SCAMP1: variants seen among roughly 807,000 people sequenced by gnomAD.
SCAMP1 encodes the protein secretory carrier-associated membrane protein 1.
SCAMP1 carries 15 observed loss-of-function variants against 41.8 expected under a neutral mutation model. That is an observed-to-expected ratio of 0.36 (90% CI 0.24 to 0.55). The LOEUF is 0.55. SCAMP1 is among the 20% of genes least tolerant of loss of function. The pLI, the probability that SCAMP1 is intolerant of heterozygous loss-of-function variation, is 0.86. For synonymous variants in SCAMP1, 135 were observed against 136.8 expected (o/e 0.99, Z 0.09); for missense variants, 341 against 412.6 (o/e 0.83, Z 1.50).
intron 8 of SCAMP1, among the ~76,000 whole-genome samples, chr5:78,471,338 A>G (rs189728214): frequency 6.6e-6 from 1 of 152,308 alleles, no homozygotes; most frequent in Admixed American, 6.5e-5. Context: ...TCAAGGGGTT[A>G]CAAAAGGGAT....
At chr5:78,362,155 T>A (rs980424730) in intron 1 of SCAMP1, among the ~76,000 whole-genome samples, 1 of 152,198 alleles carries the variant, frequency 6.6e-6, no homozygotes, top group Admixed American at 6.5e-5. Flanking sequence ...GAAAATCAGG[T>A]AGTTCTTAAA....
At chr5:78,402,567 T>G (rs1751826023) in intron 2 of SCAMP1, among the ~76,000 whole-genome samples, 1 of 152,208 alleles carries the variant, frequency 6.6e-6, no homozygotes, top group Non-Finnish European at 1.5e-5. Flanking sequence ...CATTATTTAA[T>G]GCCCTTCTTT....
At chr5:78,388,131 A>G (rs1751391230) in intron 1 of SCAMP1, among the ~76,000 whole-genome samples, 1 of 152,294 alleles carries the variant, frequency 6.6e-6, no homozygotes, top group East Asian at 1.9e-4. Flanking sequence ...TTGGAGCAAG[A>G]GGTTCACGAT....
At position 78,391,412 on chromosome 5, in the gene SCAMP1, A is replaced by AC. The variant is rs1332982023; in HGVS notation, c.135+2505dup. Among the ~76,000 whole-genome samples the AC allele has an allele frequency of 8.9e-4, 124 of 139,146 alleles. 1 individual carries two copies. The highest frequency in any genetic ancestry group is 1.8e-3 in the African/African-American group (66 of 35,698). The allele number at this position is 139,146 out of a possible 152,430, so 91.3% of individuals were successfully genotyped here. A position where few individuals can be genotyped will look rare whatever the true frequency, so the allele number is the denominator to read the frequency against. ...GGGCGGCTGGCCTGGCGGGGGGCTG[A>AC]CCCCCCCACCTCCCTCCCGGACAGG... On this transcript the variant is annotated intron_variant, in intron 2 of 8. Transcript: ENST00000621999.
chr5:78,457,195 A>C lies in SCAMP1; in HGVS notation c.735-2050A>C, dbSNP rs997712137. 2.6e-5 allele frequency among the ~76,000 whole-genome samples: 4 copies of C among 152,202 alleles called. No individual in the cohort carries two copies. In the East Asian group the frequency reaches 7.7e-4, roughly 29 times the overall value. ...CTTCTTCTCTCAACTCGTCAAAGTC[A>C]TTCTCCATCCAGCTTTGTTCCGTTG... On this transcript the variant is annotated intron_variant, in intron 7 of 8. Coordinates refer to ENST00000621999, the MANE Select transcript of SCAMP1 (RefSeq NM_004866.6).
intron 7 of SCAMP1, among the ~76,000 whole-genome samples, chr5:78,458,169 T>G (rs1047509915): frequency 6.6e-6 from 1 of 152,158 alleles, no homozygotes; most frequent in Non-Finnish European, 1.5e-5. Flanking sequence ...CTGGGAGCTG[T>G]AGACCGGAGC....
intron 7 of SCAMP1, among the ~76,000 whole-genome samples, chr5:78,458,816 A>T (rs1753504886): frequency 6.6e-6 from 1 of 152,152 alleles, no homozygotes; most frequent in Non-Finnish European, 1.5e-5. Flanking sequence ...GGAGGCGGAG[A>T]TTACAATGAG....
chr5:78,405,348 C>G (rs952601844), intron 2 of SCAMP1, among the ~76,000 whole-genome samples: 1 of 152,166 alleles, frequency 6.6e-6, no homozygotes, highest in Admixed American at 6.5e-5. Flanking sequence ...GTATTCCTGT[C>G]TAGCACGCTG....
chr5:78,454,511 C>T (rs1172799948), intron 7 of SCAMP1, among the ~76,000 whole-genome samples: 3 of 151,740 alleles, frequency 2.0e-5, no homozygotes, highest in Non-Finnish European at 4.4e-5. Flanking sequence ...ATTGAACCAG[C>T]CTTGCATCCC....
At chr5:78,378,943 C>G (rs1040477731) in intron 1 of SCAMP1, among the ~76,000 whole-genome samples, 3 of 152,196 alleles carry the variant, frequency 2.0e-5, no homozygotes, top group Non-Finnish European at 4.4e-5. Context: ...GCTCAGCAAT[C>G]TGGATTTTAC....
chr5:78,457,599 A>G (rs1328857807), intron 7 of SCAMP1, among the ~76,000 whole-genome samples: 3 of 152,206 alleles, frequency 2.0e-5, no homozygotes, highest in South Asian at 2.1e-4. Flanking sequence ...GCTGTCAGAC[A>G]GGGACATTTA....
chr5:78,398,094 T>C (rs934170050), intron 2 of SCAMP1, among the ~76,000 whole-genome samples: 2 of 152,220 alleles, frequency 1.3e-5, no homozygotes, highest in African/African-American at 4.8e-5. Flanking sequence ...AATTCCACTC[T>C]TGGGTACATA....
At chr5:78,448,661 A>G (rs1554045909) in intron 6 of SCAMP1, among the ~76,000 whole-genome samples, 1 of 152,250 alleles carries the variant, frequency 6.6e-6, no homozygotes, top group African/African-American at 2.4e-5. Context: ...TGTTAATGAG[A>G]TGTGGAGGAG....
rs764918144 is a variant in SCAMP1, at chr5:78,415,557, A to G, written c.173A>G (p.Asn58Ser). Reference protein sequence around the residue: ...PGGVKMPNVPNTQPAIMKPTE... With the variant: ...PGGVKMPNVPSTQPAIMKPTE... ...GGTGTGAAGATGCCTAATGTACCCA[A>G]TACACAACCAGCAATAATGAAACCA... Residue 58 changes from asparagine (N) to serine (S), a missense_variant, in exon 3 of 9, where the codon AAT (asparagine) becomes AGT (serine). Asn to Ser is a conservative substitution (Grantham distance 46, BLOSUM62 1). Transcript: ENST00000621999. 8 of 1,608,044 alleles carry G rather than the reference A, an allele frequency of 5.0e-6. 1 individual carries two copies. The South Asian group carries it at 7.8e-5, about 16-fold the overall frequency.
chr5:78,453,520 G>A lies in SCAMP1; in HGVS notation c.734+3486G>A, dbSNP rs903967854. On this transcript the variant is annotated intron_variant, in intron 7 of 8. Transcript: ENST00000621999. ...TAGATGTGTGGCGTTATTTCTGAGG[G>A]CTCTGTTCTGTTCCATTGATCTATA... Among the ~76,000 whole-genome samples the A allele has an allele frequency of 5.6e-4, 85 of 151,806 alleles. 1 individual carries two copies. Among genetic ancestry groups the A allele is most frequent in the African/African-American group, 1.9e-3 (77 of 41,358 alleles).
At chr5:78,411,730 T>G (rs1752082052) in intron 2 of SCAMP1, among the ~76,000 whole-genome samples, 1 of 152,154 alleles carries the variant, frequency 6.6e-6, no homozygotes, top group African/African-American at 2.4e-5. Flanking sequence ...TGAGCATTCT[T>G]GGCATACATA....
At chr5:78,402,199 T>G (rs921950292) in intron 2 of SCAMP1, among the ~76,000 whole-genome samples, 1 of 151,872 alleles carries the variant, frequency 6.6e-6, no homozygotes, top group East Asian at 1.9e-4. Context: ...TATATTTGTT[T>G]TTTTTTTTTT....
At chr5:78,387,779 G>A (rs569931857) in intron 1 of SCAMP1, among the ~76,000 whole-genome samples, 1 of 152,162 alleles carries the variant, frequency 6.6e-6, no homozygotes, top group African/African-American at 2.4e-5. Context: ...TGTTACTGGG[G>A]ACTGTCTGCA....
intron 8 of SCAMP1, among the ~76,000 whole-genome samples, chr5:78,464,336 G>A (rs11747700): frequency 0.27 from 41,323 of 151,798 alleles, 5,913 homozygotes; most frequent in East Asian, 0.54. Context: ...TAGAGACAGG[G>A]TTTCACCATG....
Sources: gnomAD v4.1 joint callset for allele counts (sites outside exome capture counted in the v4.1 genomes callset) on GRCh38, gnomAD v4.1.1 for gene constraint, MANE v1.5 for transcripts, NCBI Gene and HGNC (gene_info 2026-07-23, HGNC 2026-07-21) for gene names.